Variants in ARHGEF28 observed in about 807,000 individuals in gnomAD.
The protein encoded by ARHGEF28 is 190 kDa guanine nucleotide exchange factor.
ARHGEF28 carries 152 observed loss-of-function variants against 206.6 expected under a neutral mutation model. The ratio of observed to expected loss-of-function variants is 0.74; its 90% CI spans 0.64 to 0.84. The LOEUF (loss-of-function observed/expected upper bound fraction) is 0.84, where lower values mean the gene tolerates loss of function less well. Ranked by LOEUF, ARHGEF28 falls within the 40% of genes least tolerant of loss-of-function variation. The probability of loss-of-function intolerance (pLI) is 0.00; values close to 1 mark genes in which losing one functional copy is unlikely to be tolerated. For synonymous variants in ARHGEF28, 763 were observed against 776.4 expected (o/e 0.98, Z 0.29); for missense variants, 2,028 against 2,073.2 (o/e 0.98, Z 0.42).
At chr5:73,686,845 A>T (rs940150518) in intron 2 of ARHGEF28, among the ~76,000 whole-genome samples, 2 of 152,126 alleles carry the variant, frequency 1.3e-5, no homozygotes, top group African/African-American at 2.4e-5. Context: ...TCTAGTTATT[A>T]AAAAAATGCT....
At chr5:73,763,664 C>T (rs1307390464) in intron 4 of ARHGEF28, among the ~76,000 whole-genome samples, 1 of 152,156 alleles carries the variant, frequency 6.6e-6, no homozygotes, top group Non-Finnish European at 1.5e-5. Flanking sequence ...AGTGCCTGCA[C>T]ACAGTTGGCT....
intron 35 of ARHGEF28, among the ~76,000 whole-genome samples, chr5:73,925,484 A>G (rs1162133594): frequency 1.3e-5 from 2 of 152,146 alleles, no homozygotes; most frequent in Non-Finnish European, 2.9e-5. Flanking sequence ...TGCTTTATGC[A>G]GTTTATTTAT....
At chr5:73,838,355 A>T (rs2112571430) in intron 10 of ARHGEF28, among the ~76,000 whole-genome samples, 1 of 152,324 alleles carries the variant, frequency 6.6e-6, no homozygotes, top group South Asian at 2.1e-4. Context: ...AATATCTGAA[A>T]ATAATCTTAT....
chr5:73,653,170 A>T (rs1024843763), intron 1 of ARHGEF28, among the ~76,000 whole-genome samples: 1 of 152,190 alleles, frequency 6.6e-6, no homozygotes, highest in Non-Finnish European at 1.5e-5. Context: ...CCAAGTGTGC[A>T]TGACTGTTTC....
At chr5:73,852,179 T>C (rs997677444) in intron 13 of ARHGEF28, among the ~76,000 whole-genome samples, 7 of 152,210 alleles carry the variant, frequency 4.6e-5, no homozygotes, top group African/African-American at 1.7e-4. Flanking sequence ...TTGCTGCTGC[T>C]AGGATTTTAT....
At chr5:73,940,751 G>A in intron 35 of ARHGEF28, 93 bp from the exon 36 acceptor site, 1 of 1,176,248 alleles carries the variant, frequency 8.5e-7, no homozygotes, top group Non-Finnish European at 1.1e-6. Context: ...TATGGGCACT[G>A]CATTTCCTAA....
chr5:73,833,675 C>T (rs1757433360), intron 10 of ARHGEF28, among the ~76,000 whole-genome samples: 1 of 152,052 alleles, frequency 6.6e-6, no homozygotes, highest in Admixed American at 6.5e-5. Flanking sequence ...TGAAGAAATA[C>T]CTGAGACTGG....
intron 1 of ARHGEF28, among the ~76,000 whole-genome samples, chr5:73,629,423 C>G (rs567719853): frequency 6.2e-4 from 93 of 150,980 alleles, no homozygotes; most frequent in Non-Finnish European, 1.1e-3. Context: ...GGGAGGATAG[C>G]TTGAGTTGGG....
chr5:73,702,451 G>A (rs1748659849), intron 2 of ARHGEF28, among the ~76,000 whole-genome samples: 3 of 151,968 alleles, frequency 2.0e-5, no homozygotes, highest in South Asian at 2.1e-4. Context: ...CAAAGCCCCC[G>A]GCAACTATCA....
chr5:73,652,241 A>G (rs954787169), intron 1 of ARHGEF28, among the ~76,000 whole-genome samples: 1 of 152,216 alleles, frequency 6.6e-6, no homozygotes, highest in African/African-American at 2.4e-5. Context: ...TAATTAGAGA[A>G]GTTAGTCAAG....
At chr5:73,673,304 C>T (rs1426793361) in intron 1 of ARHGEF28, among the ~76,000 whole-genome samples, 1 of 152,170 alleles carries the variant, frequency 6.6e-6, no homozygotes, top group Non-Finnish European at 1.5e-5. Flanking sequence ...GTATAAGGAA[C>T]TGTGAGTCAG....
intron 35 of ARHGEF28, among the ~76,000 whole-genome samples, chr5:73,924,163 A>G (rs551570466): frequency 2.0e-5 from 3 of 152,326 alleles, no homozygotes; most frequent in South Asian, 4.1e-4. Flanking sequence ...AGCCTTATGT[A>G]CATTTATTGA....
At chr5:73,676,867 G>T (rs1746727977) in intron 1 of ARHGEF28, among the ~76,000 whole-genome samples, 1 of 152,148 alleles carries the variant, frequency 6.6e-6, no homozygotes, top group African/African-American at 2.4e-5. Context: ...AATTAGGCAT[G>T]GCCTATGGTG....
intron 2 of ARHGEF28, among the ~76,000 whole-genome samples, chr5:73,741,381 GTGTGTATATA>G (rs1751401400): frequency 3.7e-5 from 1 of 26,718 alleles, no homozygotes; most frequent in Non-Finnish European, 6.1e-5. Context: ...GTGTGTGTGT[GTGTGTATATA>G]TATATATATA....
chr5:73,901,399 C>T, intron 31 of ARHGEF28, 115 bp downstream of exon 31: 1 of 751,076 alleles, frequency 1.3e-6, no homozygotes, highest in Non-Finnish European at 2.2e-6. Context: ...CTGAATTGTT[C>T]TCAATTGATT....
intron 9 of ARHGEF28, among the ~76,000 whole-genome samples, chr5:73,829,555 A>G (rs1757162035): frequency 6.6e-6 from 1 of 151,596 alleles, no homozygotes; most frequent in Non-Finnish European, 1.5e-5. Context: ...AATTTTTTAT[A>G]ATTTTTAGTA....
chr5:73,877,523 A>G (rs1292082751), intron 22 of ARHGEF28, among the ~76,000 whole-genome samples: 3 of 130,724 alleles, frequency 2.3e-5, no homozygotes, highest in African/African-American at 6.1e-5. Context: ...TAGGGTGTCA[A>G]TTTTAGATCT....
intron 35 of ARHGEF28, among the ~76,000 whole-genome samples, chr5:73,915,087 A>AT (rs1423589164): frequency 6.6e-6 from 1 of 152,166 alleles, no homozygotes; most frequent in African/African-American, 2.4e-5. Context: ...GAACTAATCT[A>AT]ATCCTTTTGT....
At chr5:73,880,399 C>A (rs1760839968) in intron 22 of ARHGEF28, among the ~76,000 whole-genome samples, 1 of 152,180 alleles carries the variant, frequency 6.6e-6, no homozygotes, top group Non-Finnish European at 1.5e-5. Context: ...CAATGCCTCG[C>A]CCTGCTTCAG....
Sources: gnomAD v4.1 joint callset for allele counts (sites outside exome capture counted in the v4.1 genomes callset) on GRCh38, gnomAD v4.1.1 for gene constraint, MANE v1.5 for transcripts, NCBI Gene and HGNC (gene_info 2026-07-23, HGNC 2026-07-21) for gene names.